Variants in CNTN4 observed in about 807,000 individuals in gnomAD.
The protein encoded by CNTN4 is contactin-4.
CNTN4 carries 77 observed loss-of-function variants against 122.5 expected under a neutral mutation model. That is an observed-to-expected ratio of 0.63 (90% CI 0.52 to 0.76). The LOEUF is 0.76. Among genes scored for constraint, CNTN4 ranks in the 30% least tolerant of loss-of-function variants. CNTN4 has a pLI of 0.00. For missense variants in CNTN4, 1,256 were observed against 1,259.1 expected (o/e 1.00, Z 0.04); for synonymous variants, 512 against 447.0 (o/e 1.15, Z -1.83).
chr3:2,608,219 G>C (rs1377114953), intron 4 of CNTN4, among the ~76,000 whole-genome samples: 1 of 152,182 alleles, frequency 6.6e-6, no homozygotes, highest in Non-Finnish European at 1.5e-5. Flanking sequence ...CTCCAAGTTG[G>C]AGAAATCTGA....
At chr3:2,274,237 G>A (rs1369056959) in intron 2 of CNTN4, among the ~76,000 whole-genome samples, 1 of 152,130 alleles carries the variant, frequency 6.6e-6, no homozygotes, top group Non-Finnish European at 1.5e-5. Flanking sequence ...AAAAAAATTA[G>A]CCAGGTGTGG....
At chr3:2,905,576 G>A (rs2094221441) in intron 12 of CNTN4, among the ~76,000 whole-genome samples, 1 of 152,196 alleles carries the variant, frequency 6.6e-6, no homozygotes, top group Non-Finnish European at 1.5e-5. Flanking sequence ...TAGCGGTTAG[G>A]ATTTCAACAT....
In CNTN4 at chr3:2,101,045, G is replaced by C. The variant is rs573025390; in HGVS notation, c.-145+406G>C. On this transcript the variant is annotated intron_variant, in intron 2 of 24. Transcript: ENST00000418658. ...CAACACTTTTCAGTTTCTTTGAGTTGTAAAACTTTTCAAGTCAATTGGGAG... is the reference window on the plus strand; with the variant it reads ...CAACACTTTTCAGTTTCTTTGAGTTCTAAAACTTTTCAAGTCAATTGGGAG... Among the ~76,000 whole-genome samples the C allele has an allele frequency of 8.5e-5, 13 of 152,284 alleles. No individual in the cohort carries two copies. The East Asian group carries it at 2.3e-3, about 27-fold the overall frequency.
At chr3:2,487,363 G>A (rs935090824) in intron 3 of CNTN4, among the ~76,000 whole-genome samples, 2 of 152,148 alleles carry the variant, frequency 1.3e-5, no homozygotes, top group African/African-American at 4.8e-5. Context: ...AAAGTAACAA[G>A]AAGGAAAGCC....
intron 6 of CNTN4, among the ~76,000 whole-genome samples, chr3:2,788,671 T>C (rs554867466): frequency 1.3e-5 from 2 of 152,296 alleles, no homozygotes; most frequent in East Asian, 3.9e-4. Context: ...TTAAAAAGCA[T>C]TTATCCTCAG....
chr3:2,620,091 A>G (rs1006156226), intron 4 of CNTN4, among the ~76,000 whole-genome samples: 1 of 152,204 alleles, frequency 6.6e-6, no homozygotes, highest in African/African-American at 2.4e-5. Flanking sequence ...ATTTGATTAT[A>G]TTAAGATTCA....
At chr3:2,594,294 G>C (rs755005822) in intron 4 of CNTN4, among the ~76,000 whole-genome samples, 2 of 151,846 alleles carry the variant, frequency 1.3e-5, no homozygotes, top group Non-Finnish European at 2.9e-5. Context: ...TATACACAAA[G>C]TACATATTTA....
chr3:2,612,762 G>A (rs1320867403), intron 4 of CNTN4, among the ~76,000 whole-genome samples: 1 of 152,110 alleles, frequency 6.6e-6, no homozygotes, highest in Non-Finnish European at 1.5e-5. Context: ...ATAAAATAGA[G>A]TAATATGCCA....
At chr3:2,761,622 T>A (rs2090596747) in intron 6 of CNTN4, among the ~76,000 whole-genome samples, 1 of 152,186 alleles carries the variant, frequency 6.6e-6, no homozygotes, top group Non-Finnish European at 1.5e-5. Context: ...CTCTCACTGG[T>A]CCACATACAC....
chr3:2,235,385 T>C (rs1415531250), intron 2 of CNTN4, among the ~76,000 whole-genome samples: 1 of 152,208 alleles, frequency 6.6e-6, no homozygotes, highest in Non-Finnish European at 1.5e-5. Context: ...GAAAGGAATA[T>C]CTTAGCCTGT....
At chr3:2,505,785 A>C (rs2076715323) in intron 3 of CNTN4, among the ~76,000 whole-genome samples, 1 of 152,232 alleles carries the variant, frequency 6.6e-6, no homozygotes, top group African/African-American at 2.4e-5. Context: ...GGTTTCCCTG[A>C]AAAGAGCTTT....
intron 2 of CNTN4, among the ~76,000 whole-genome samples, chr3:2,336,974 G>T (rs1449318032): frequency 6.6e-6 from 1 of 152,082 alleles, no homozygotes; most frequent in Non-Finnish European, 1.5e-5. Flanking sequence ...ATTAATTGAT[G>T]GTTCAATAGC....
intron 12 of CNTN4, among the ~76,000 whole-genome samples, chr3:2,907,828 A>T (rs2094254365): frequency 6.6e-6 from 1 of 152,160 alleles, no homozygotes; most frequent in African/African-American, 2.4e-5. Context: ...ATGGATTTAA[A>T]CTGCTAAATA....
At chr3:2,410,421 T>G (rs1334337845) in intron 3 of CNTN4, among the ~76,000 whole-genome samples, 1 of 152,256 alleles carries the variant, frequency 6.6e-6, no homozygotes, top group African/African-American at 2.4e-5. Flanking sequence ...GGCTTTCTAT[T>G]CGTCCACTTT....
intron 2 of CNTN4, among the ~76,000 whole-genome samples, chr3:2,196,920 T>G (rs572159953): frequency 1.3e-5 from 2 of 151,982 alleles, no homozygotes; most frequent in East Asian, 3.9e-4. Context: ...GGTGCATGCC[T>G]GTAATCCCAG....
intron 10 of CNTN4, among the ~76,000 whole-genome samples, chr3:2,896,195 A>C (rs1354163971): frequency 6.6e-6 from 1 of 152,166 alleles, no homozygotes; most frequent in Non-Finnish European, 1.5e-5. Flanking sequence ...CAGTATCAGC[A>C]AAGTATGTGT....
intron 4 of CNTN4, among the ~76,000 whole-genome samples, chr3:2,717,942 A>G (rs1407787646): frequency 1.3e-5 from 2 of 152,020 alleles, no homozygotes; most frequent in African/African-American, 4.8e-5. Context: ...TCATGTGTTT[A>G]TTGACCATTT....
intron 6 of CNTN4, among the ~76,000 whole-genome samples, chr3:2,789,161 G>T (rs2091929542): frequency 1.3e-5 from 2 of 152,138 alleles, no homozygotes; most frequent in Admixed American, 1.3e-4. Flanking sequence ...CATAGCAAAT[G>T]AAATACTGGT....
Position 2,306,764 on chromosome 3 carries a change from C to G in CNTN4, c.-144-32414C>G, listed in dbSNP as rs2042723767. Reference sequence around the variant, plus strand: ...CATTCCATGAACACGGGATGTCTTCCCATTTATTTAGGTCTTTTTAAAATT... The same window carrying G: ...CATTCCATGAACACGGGATGTCTTCGCATTTATTTAGGTCTTTTTAAAATT... On this transcript the variant is annotated intron_variant, in intron 2 of 24. Transcript: ENST00000418658. Among the ~76,000 whole-genome samples the G allele has an allele frequency of 2.0e-5, 3 of 151,946 alleles. 1 individual carries two copies. In the South Asian group the frequency reaches 6.3e-4, roughly 32 times the overall value.
Sources: allele counts gnomAD v4.1 joint callset (sites outside exome capture counted in the v4.1 genomes callset), GRCh38; gene constraint gnomAD v4.1.1; transcripts MANE v1.5; gene names NCBI Gene and HGNC (gene_info 2026-07-23, HGNC 2026-07-21).